LRP1B: variants seen among roughly 807,000 people sequenced by gnomAD.
LRP1B encodes LDL receptor related protein 1B, also known as low-density lipoprotein receptor-related protein 1B.
A neutral mutation model predicts 556.6 loss-of-function variants in LRP1B; 217 were observed. That is an observed-to-expected ratio of 0.39 (90% confidence interval 0.35 to 0.44). The LOEUF (loss-of-function observed/expected upper bound fraction) is 0.44, where lower values mean the gene tolerates loss of function less well. Among genes scored for constraint, LRP1B ranks in the 20% least tolerant of loss-of-function variants. LRP1B has a pLI of 1.00. For synonymous variants in LRP1B, 2,047 were observed against 1,865.8 expected, an observed-to-expected ratio of 1.10 and a Z score of -2.50; for missense variants, 5,053 against 5,620.8, an observed-to-expected ratio of 0.90 and a Z score of 3.23.
chr2:141,923,124 A>T (rs1036481167), intron 1 of LRP1B, among the ~76,000 whole-genome samples: 1 of 151,732 alleles, frequency 6.6e-6, no homozygotes, highest in African/African-American at 2.4e-5. Context: ...AAATAAATAA[A>T]TTCATCTGCC....
intron 2 of LRP1B, among the ~76,000 whole-genome samples, chr2:141,668,965 G>A (rs983848014): frequency 6.6e-6 from 1 of 152,106 alleles, no homozygotes; most frequent in Non-Finnish European, 1.5e-5. Context: ...CAATACCCCT[G>A]TGGCACGTCA....
chr2:141,118,830 T>C (rs1389910598), intron 7 of LRP1B, among the ~76,000 whole-genome samples: 3 of 151,868 alleles, frequency 2.0e-5, no homozygotes, highest in African/African-American at 7.2e-5. Context: ...ATCATAATAA[T>C]ATTAAGGTTA....
At chr2:141,487,817 G>A (rs1683176422) in intron 2 of LRP1B, among the ~76,000 whole-genome samples, 1 of 152,134 alleles carries the variant, frequency 6.6e-6, no homozygotes, top group Non-Finnish European at 1.5e-5. Context: ...ATAATACAGT[G>A]AAAAGCATGT....
intron 11 of LRP1B, among the ~76,000 whole-genome samples, chr2:141,035,979 C>G (rs1278586696): frequency 6.6e-6 from 1 of 152,072 alleles, no homozygotes; most frequent in Non-Finnish European, 1.5e-5. Context: ...TATTTGCACT[C>G]ATGAACTATA....
chr2:140,944,142 C>T (rs2105290689), intron 20 of LRP1B, among the ~76,000 whole-genome samples: 1 of 152,204 alleles, frequency 6.6e-6, no homozygotes, highest in South Asian at 2.1e-4. Flanking sequence ...TTATGAACAC[C>T]TCTGTGTGTA....
In LRP1B at chr2:141,153,428, TATATA is replaced by T. The variant is rs1490170714; in HGVS notation, c.1013+34988_1013+34992del. On this transcript the variant is annotated intron_variant, in intron 7 of 90. Transcript: ENST00000389484. ...ATTATATATTAGCTATATATATTTA[TATATA>T]ATATATTATATATTAGCTATATATT... Among the ~76,000 whole-genome samples, 204 of 117,970 alleles carry T rather than the reference TATATA, an allele frequency of 1.7e-3. 7 individuals carry two copies. The highest frequency in any genetic ancestry group is 4.9e-3 in the East Asian group (23 of 4,698). 77.4% of individuals were successfully genotyped at this position (117,970 alleles called of 152,430 possible).
In LRP1B at chr2:140,511,292, C is replaced by CTTTTTTTTTTTTT. The variant is rs70985101; in HGVS notation, c.8270-1249_8270-1237dup. On this transcript the variant is annotated intron_variant, in intron 51 of 90. Transcript: ENST00000389484. ...TATCAAAATACAATCCTCTAAGGGT[C>CTTTTTTTTTTTTT]TTTTTTTTTTTTTTTTTTTTTTTTT... Among the ~76,000 whole-genome samples the CTTTTTTTTTTTTT allele has an allele frequency of 1.2e-4, 7 of 58,456 alleles. 1 individual carries two copies. The highest frequency in any genetic ancestry group is 3.5e-4 in the African/African-American group (5 of 14,238). 38.3% of individuals were successfully genotyped at this position (58,456 alleles called of 152,430 possible).
intron 11 of LRP1B, among the ~76,000 whole-genome samples, chr2:141,039,818 T>C (rs966471341): frequency 6.6e-6 from 1 of 152,066 alleles, no homozygotes; most frequent in African/African-American, 2.4e-5. Flanking sequence ...CTCGTATGCA[T>C]GTCTACTTTT....
chr2:140,531,056 G>T (rs1174624336), intron 47 of LRP1B, among the ~76,000 whole-genome samples: 1 of 152,026 alleles, frequency 6.6e-6, no homozygotes, highest in South Asian at 2.1e-4. Context: ...CATACATGAG[G>T]TATTATATTT....
chr2:141,660,749 TG>T (rs1690186132), intron 2 of LRP1B, among the ~76,000 whole-genome samples: 1 of 152,160 alleles, frequency 6.6e-6, no homozygotes, highest in African/African-American at 2.4e-5. Flanking sequence ...TTTCCCCTGC[TG>T]GCTCTGAAAA....
intron 7 of LRP1B, among the ~76,000 whole-genome samples, chr2:141,164,606 A>T (rs527746278): frequency 2.0e-5 from 3 of 152,104 alleles, no homozygotes; most frequent in Non-Finnish European, 4.4e-5. Context: ...TTCAACCCAA[A>T]GTACTCTAAC....
At chr2:141,832,844 T>C (rs1697155589) in intron 1 of LRP1B, among the ~76,000 whole-genome samples, 1 of 151,908 alleles carries the variant, frequency 6.6e-6, no homozygotes. Flanking sequence ...ACTCTATTTG[T>C]TTCACAAAAT....
intron 53 of LRP1B, among the ~76,000 whole-genome samples, chr2:140,504,074 T>A (rs929820687): frequency 1.3e-5 from 2 of 152,078 alleles, no homozygotes; most frequent in African/African-American, 4.8e-5. Context: ...ACAATAAAAA[T>A]CTATACACCT....
At chr2:140,264,652 G>T (rs1558756106) in intron 86 of LRP1B, among the ~76,000 whole-genome samples, 1 of 146,894 alleles carries the variant, frequency 6.8e-6, no homozygotes, top group South Asian at 2.2e-4. Flanking sequence ...TTCAGGGAGA[G>T]GGAGGCAGAA....
chr2:141,230,942 A>G (rs977612611), intron 5 of LRP1B, among the ~76,000 whole-genome samples: 1 of 152,180 alleles, frequency 6.6e-6, no homozygotes, highest in Non-Finnish European at 1.5e-5. Flanking sequence ...TCTAGCATCT[A>G]GAGAAAAAGC....
chr2:141,543,518 CAAAAA>C (rs377085694), intron 2 of LRP1B, among the ~76,000 whole-genome samples: 1 of 91,274 alleles, frequency 1.1e-5, no homozygotes, highest in Non-Finnish European at 2.0e-5. Context: ...GACCCTGTCT[CAAAAA>C]AAAAAAAAAA....
chr2:141,870,401 A>C (rs1264457766), intron 1 of LRP1B, among the ~76,000 whole-genome samples: 1 of 151,896 alleles, frequency 6.6e-6, no homozygotes, highest in African/African-American at 2.4e-5. Flanking sequence ...AATAAGTTCA[A>C]TGGTTAAGGA....
intron 3 of LRP1B, among the ~76,000 whole-genome samples, chr2:141,387,465 A>C (rs1689873692): frequency 6.6e-6 from 1 of 152,162 alleles, no homozygotes; most frequent in African/African-American, 2.4e-5. Context: ...TAGAATAACT[A>C]AAATCAAAGT....
chr2:141,168,942 G>A (rs543171587), intron 7 of LRP1B, among the ~76,000 whole-genome samples: 2 of 151,912 alleles, frequency 1.3e-5, no homozygotes, highest in Non-Finnish European at 2.9e-5. Flanking sequence ...GGTACTCAAG[G>A]GTGTTTTTTT....
Sources: gnomAD v4.1 joint callset for allele counts (sites outside exome capture counted in the v4.1 genomes callset) on GRCh38, gnomAD v4.1.1 for gene constraint, MANE v1.5 for transcripts, NCBI Gene and HGNC (gene_info 2026-07-23, HGNC 2026-07-21) for gene names.